The following CNTNAP5 variants were observed in gnomAD, a reference collection of about 807,000 sequenced individuals.
CNTNAP5 encodes contactin associated protein family member 5, also known as contactin-associated protein-like 5.
In CNTNAP5, 72 loss-of-function variants were observed where a neutral mutation model predicts 150.2. That is an observed-to-expected ratio of 0.48 (90% CI 0.40 to 0.58). The LOEUF (loss-of-function observed/expected upper bound fraction) is 0.58, where lower values mean the gene tolerates loss of function less well. Ranked by LOEUF, CNTNAP5 falls within the 20% of genes least tolerant of loss-of-function variation. The pLI is 0.00. For missense variants in CNTNAP5, 1,636 were observed against 1,626.2 expected, an observed-to-expected ratio of 1.01 and a Z score of -0.10; for synonymous variants, 672 against 619.8, an observed-to-expected ratio of 1.08 and a Z score of -1.25.
At chr2:124,274,130 T>C (rs1687826078) in intron 3 of CNTNAP5, among the ~76,000 whole-genome samples, 1 of 151,978 alleles carries the variant, frequency 6.6e-6, no homozygotes, top group Non-Finnish European at 1.5e-5. Flanking sequence ...GTTAGCTTGC[T>C]GTTTTTGTTT....
At chr2:124,602,768 C>T (rs1262794595) in intron 11 of CNTNAP5, among the ~76,000 whole-genome samples, 1 of 152,172 alleles carries the variant, frequency 6.6e-6, no homozygotes, top group Non-Finnish European at 1.5e-5. Context: ...GTTGGAATTA[C>T]AGGTGTGAAC....
Position 124,186,110 on chromosome 2 carries a change from A to T in CNTNAP5, c.83-35595A>T, listed in dbSNP as rs1049962216. ...CAGCTTGCTGGGCCTTAGGGTCCTG[A>T]GTGGGCATGAGAATTTGAAATTTTA... On this transcript the variant is annotated intron_variant, in intron 1 of 23. Transcript: ENST00000682447. Among the ~76,000 whole-genome samples the T allele has an allele frequency of 2.6e-5, 4 of 152,164 alleles. No homozygotes were observed. In the South Asian group the frequency reaches 8.3e-4, roughly 32 times the overall value.
intron 13 of CNTNAP5, among the ~76,000 whole-genome samples, chr2:124,720,429 C>T (rs1680026320): frequency 6.6e-6 from 1 of 152,140 alleles, no homozygotes; most frequent in Non-Finnish European, 1.5e-5. Context: ...TCTCACTTCC[C>T]ATTCTGCTCT....
At chr2:124,112,831 T>A (rs781611838) in intron 1 of CNTNAP5, among the ~76,000 whole-genome samples, 2 of 152,194 alleles carry the variant, frequency 1.3e-5, no homozygotes, top group Non-Finnish European at 2.9e-5. Flanking sequence ...ATGTATCATT[T>A]TGTGTTTCAT....
At position 124,873,806 on chromosome 2, in the gene CNTNAP5, A is replaced by C. The variant is rs180767059; in HGVS notation, c.3436+4044A>C. Among the ~76,000 whole-genome samples, 444 of 152,244 alleles carry C rather than the reference A, an allele frequency of 2.9e-3. 2 individuals are homozygous for C. The highest frequency in any genetic ancestry group is 9.6e-3 in the African/African-American group (401 of 41,570). ...TCCAACTGTAAATCAAACACTAGAA[A>C]GCATTTTTCATGGTAGATATGAAAA... On this transcript the variant is annotated intron_variant, in intron 21 of 23. Coordinates refer to ENST00000682447, the MANE Select transcript of CNTNAP5 (RefSeq NM_001367498.1).
chr2:124,047,647 C>T (rs1054460041), intron 1 of CNTNAP5, among the ~76,000 whole-genome samples: 1 of 152,216 alleles, frequency 6.6e-6, no homozygotes, highest in Admixed American at 6.5e-5. Flanking sequence ...CCTGCGATGA[C>T]CTCCATGTTA....
intron 13 of CNTNAP5, among the ~76,000 whole-genome samples, chr2:124,681,465 G>T (rs1037413392): frequency 6.6e-6 from 1 of 152,176 alleles, no homozygotes; most frequent in African/African-American, 2.4e-5. Flanking sequence ...GCGTGTTCAT[G>T]TAGTGACCTT....
intron 3 of CNTNAP5, among the ~76,000 whole-genome samples, chr2:124,309,500 A>C (rs376600611): frequency 3.6e-5 from 5 of 137,346 alleles, no homozygotes; most frequent in Non-Finnish European, 8.5e-5. Context: ...TCACCTCTCT[A>C]TTTTCATATT....
intron 11 of CNTNAP5, among the ~76,000 whole-genome samples, chr2:124,568,968 A>G (rs1329036067): frequency 1.3e-5 from 2 of 152,198 alleles, no homozygotes; most frequent in Non-Finnish European, 2.9e-5. Context: ...GAATGGCATG[A>G]GCCTGGGAGG....
chr2:124,220,044 A>G (rs1463216420), intron 1 of CNTNAP5, among the ~76,000 whole-genome samples: 1 of 152,142 alleles, frequency 6.6e-6, no homozygotes, highest in Non-Finnish European at 1.5e-5. Context: ...TTAATGAACA[A>G]TAATTTAATC....
intron 17 of CNTNAP5, among the ~76,000 whole-genome samples, chr2:124,784,904 C>T (rs1681530476): frequency 6.6e-6 from 1 of 151,898 alleles, no homozygotes; most frequent in East Asian, 1.9e-4. Context: ...TGAAGAATAC[C>T]TTCTTTCCCA....
chr2:124,517,549 A>AGTGTTGGTGATGGAGGGTTGTG (rs1694751553), intron 8 of CNTNAP5, among the ~76,000 whole-genome samples: 22 of 63,056 alleles, frequency 3.5e-4, no homozygotes, highest in East Asian at 1.3e-3. Flanking sequence ...GGAGGGTTGT[A>AGTGTTGGTGATGGAGGGTTGTG]GTGTTGGTGA....
intron 22 of CNTNAP5, among the ~76,000 whole-genome samples, chr2:124,908,554 G>A (rs1000039447): frequency 2.6e-5 from 4 of 152,090 alleles, no homozygotes; most frequent in African/African-American, 9.7e-5. Flanking sequence ...ATGACCTAAT[G>A]AAGTTGTAGC....
intron 19 of CNTNAP5, among the ~76,000 whole-genome samples, chr2:124,811,714 G>A (rs1012479424): frequency 6.7e-6 from 1 of 149,538 alleles, no homozygotes; most frequent in Non-Finnish European, 1.5e-5. Context: ...GGCGGGGGGG[G>A]TGGATCACCT....
intron 11 of CNTNAP5, among the ~76,000 whole-genome samples, chr2:124,607,167 C>T (rs1398774504): frequency 6.6e-6 from 1 of 152,134 alleles, no homozygotes; most frequent in East Asian, 1.9e-4. Flanking sequence ...CTGGAAACAA[C>T]AGACATTATC....
chr2:124,413,901 A>AT (rs1004719161), intron 3 of CNTNAP5, among the ~76,000 whole-genome samples: 22 of 124,478 alleles, frequency 1.8e-4, no homozygotes, highest in East Asian at 8.5e-4. Context: ...AAATAAATAA[A>AT]TTAAAAAAAA....
intron 3 of CNTNAP5, among the ~76,000 whole-genome samples, chr2:124,244,661 CAATT>C (rs1686974046): frequency 6.6e-6 from 1 of 152,072 alleles, no homozygotes. Context: ...TTACAACTTC[CAATT>C]TAAAGAGTAA....
chr2:124,588,193 T>C (rs201069352), intron 11 of CNTNAP5, among the ~76,000 whole-genome samples: 4,583 of 91,306 alleles, frequency 0.05, 83 homozygotes, highest in African/African-American at 0.059. Flanking sequence ...TCTTTCTTTC[T>C]TTCTTTCTTT....
chr2:124,077,335 A>C (rs1682462642), intron 1 of CNTNAP5, among the ~76,000 whole-genome samples: 2 of 152,196 alleles, frequency 1.3e-5, no homozygotes, highest in Admixed American at 1.3e-4. Flanking sequence ...GCCTTATTTG[A>C]GAAAAGATAC....
Sources: gnomAD v4.1 joint callset for allele counts (sites outside exome capture counted in the v4.1 genomes callset) on GRCh38, gnomAD v4.1.1 for gene constraint, MANE v1.5 for transcripts, NCBI Gene and HGNC (gene_info 2026-07-23, HGNC 2026-07-21) for gene names.